Variants in TDRD5 observed in about 807,000 individuals in gnomAD.
TDRD5 encodes the protein tudor domain containing 5.
TDRD5 carries 41 observed loss-of-function variants against 120.6 expected under a neutral mutation model. That is an observed-to-expected ratio of 0.34 (90% CI 0.26 to 0.44). The LOEUF is 0.44. Among genes scored for constraint, TDRD5 ranks in the 20% least tolerant of loss-of-function variants. The probability of loss-of-function intolerance (pLI) is 1.00; values close to 1 mark genes in which losing one functional copy is unlikely to be tolerated. For synonymous variants in TDRD5, 430 were observed against 433.7 expected (o/e 0.99, Z 0.11); for missense variants, 1,006 against 1,221.2 (o/e 0.82, Z 2.63).
At chr1:179,602,470 G>A (rs1300066693) in intron 4 of TDRD5, among the ~76,000 whole-genome samples, 2 of 152,102 alleles carry the variant, frequency 1.3e-5, no homozygotes, top group African/African-American at 4.8e-5. Flanking sequence ...GTCTAGAAGG[G>A]TTTTTCCAAT....
intron 16 of TDRD5, among the ~76,000 whole-genome samples, chr1:179,666,409 T>C (rs555978638): frequency 6.6e-6 from 1 of 152,378 alleles, no homozygotes; most frequent in Admixed American, 6.5e-5. Context: ...TGATTATCCT[T>C]CAAGTCACCA....
At chr1:179,669,068 GAGT>G (rs1679718832) in intron 16 of TDRD5, 123 bp from the exon 17 acceptor site, 1 of 939,070 alleles carries the variant, frequency 1.1e-6, no homozygotes, top group Non-Finnish European at 1.5e-6. Context: ...TCTTGAAAGT[GAGT>G]AGTTTTATTT....
chr1:179,690,032 C>T (rs989784457), intron 17 of TDRD5, among the ~76,000 whole-genome samples: 2 of 152,192 alleles, frequency 1.3e-5, no homozygotes, highest in Non-Finnish European at 2.9e-5. Context: ...CCTGCTTCGG[C>T]TCATGCTCTG....
At chr1:179,690,086 A>AG (rs1222237482) in intron 17 of TDRD5, among the ~76,000 whole-genome samples, 2 of 152,178 alleles carry the variant, frequency 1.3e-5, no homozygotes, top group Non-Finnish European at 2.9e-5. Flanking sequence ...AACAAGCCCC[A>AG]GTGAGATGAA....
At chr1:179,673,695 C>G (rs894668189) in intron 17 of TDRD5, among the ~76,000 whole-genome samples, 1 of 152,074 alleles carries the variant, frequency 6.6e-6, no homozygotes, top group Admixed American at 6.5e-5. Context: ...CCAAAGGAGG[C>G]AAATCAGATA....
At chr1:179,624,866 G>A (rs141680477) in intron 6 of TDRD5, among the ~76,000 whole-genome samples, 27 of 152,096 alleles carry the variant, frequency 1.8e-4, no homozygotes, top group East Asian at 5.8e-4. Context: ...CGGGCTATTC[G>A]TAGATACTAA....
intron 4 of TDRD5, among the ~76,000 whole-genome samples, chr1:179,604,053 C>G (rs948576997): frequency 1.3e-5 from 2 of 152,018 alleles, no homozygotes; most frequent in Non-Finnish European, 2.9e-5. Context: ...TTCAATTTCA[C>G]TGTTTATTAT....
intron 11 of TDRD5, among the ~76,000 whole-genome samples, chr1:179,640,888 T>C (rs945891997): frequency 6.6e-6 from 1 of 152,204 alleles, no homozygotes; most frequent in African/African-American, 2.4e-5. Context: ...AGGAGCCTAA[T>C]GTGAAGACCC....
In TDRD5 at chr1:179,635,774, C is replaced by T. The variant is rs1211753256; in HGVS notation, c.1407C>T (p.Thr469=). The T allele has an allele frequency of 6.2e-7, 1 of 1,613,920 alleles. No homozygotes were observed. The highest frequency in any genetic ancestry group is 1.3e-5 in the African/African-American group (1 of 74,908). The part of the protein sequence containing the change: ...KKLCRLPPLD[T]SSLIGVFVEY... ...TATGCAGACTCCCACCATTAGACAC[C>T]AGTTCCCTCATAGGGGTCTTTGTGG... The change falls in exon 9 of 18, where the codon ACC becomes ACT. Residue 469 remains threonine, a synonymous_variant. Transcript: ENST00000444136.
intron 4 of TDRD5, among the ~76,000 whole-genome samples, chr1:179,615,450 A>G (rs1177720616): frequency 6.6e-6 from 1 of 152,114 alleles, no homozygotes; most frequent in Non-Finnish European, 1.5e-5. Flanking sequence ...TCTGAAGAGT[A>G]TATCTTTTTG....
At chr1:179,689,012 GT>G (rs1231269013) in intron 17 of TDRD5, among the ~76,000 whole-genome samples, 1 of 152,158 alleles carries the variant, frequency 6.6e-6, no homozygotes, top group Non-Finnish European at 1.5e-5. Flanking sequence ...GCTCAGAGAA[GT>G]TTGTTATTAC....
chr1:179,641,483 T>G (rs1678045517), intron 11 of TDRD5, among the ~76,000 whole-genome samples: 1 of 151,580 alleles, frequency 6.6e-6, no homozygotes, highest in Non-Finnish European at 1.5e-5. Context: ...TGAGCTGAGA[T>G]TGCGCCGCTG....
intron 13 of TDRD5, among the ~76,000 whole-genome samples, chr1:179,652,937 G>A (rs990591627): frequency 6.6e-6 from 1 of 152,154 alleles, no homozygotes; most frequent in Non-Finnish European, 1.5e-5. Flanking sequence ...ATGTATATAT[G>A]CAACATAAAT....
intron 7 of TDRD5, 54 bp from the exon 8 acceptor site, chr1:179,634,403 C>A: frequency 1.3e-6 from 2 of 1,546,784 alleles, no homozygotes; most frequent in Non-Finnish European, 1.7e-6. Flanking sequence ...GCATAGGCTG[C>A]TCTATTGGCC....
chr1:179,678,276 C>T lies in TDRD5; in HGVS notation c.2860+8872C>T, dbSNP rs555209885. On this transcript the variant is annotated intron_variant, in intron 17 of 17. Transcript: ENST00000444136. The stretch of plus-strand genomic sequence containing the variant: ...CCCACCGTGGCTCCCTCAACAGCAC[C>T]GAGTCTATTTCTAGGCAGCTGGTGA... Among the ~76,000 whole-genome samples the T allele has an allele frequency of 7.2e-5, 11 of 152,284 alleles. No individual in the cohort carries two copies. In the East Asian group the frequency reaches 7.7e-4, roughly 11 times the overall value.
chr1:179,605,275 G>A (rs986131952), intron 4 of TDRD5, among the ~76,000 whole-genome samples: 4 of 152,068 alleles, frequency 2.6e-5, no homozygotes, highest in Non-Finnish European at 5.9e-5. Flanking sequence ...TATGTGTTAG[G>A]TGAGTCTCCT....
At chr1:179,670,403 A>G (rs1443761583) in intron 17 of TDRD5, among the ~76,000 whole-genome samples, 5 of 152,218 alleles carry the variant, frequency 3.3e-5, no homozygotes, top group East Asian at 1.9e-4. Flanking sequence ...AAAAAAAAAA[A>G]AAAATTATAT....
chr1:179,634,582 CAGA>C lies in TDRD5; in HGVS notation c.1256_1258del (p.Lys419del). On this transcript the variant is annotated inframe_deletion, in exon 8 of 18. Transcript: ENST00000444136. ...TTCAAAAAAACAAAAAGAGCCACAACAGAAGATTTGCAAGAAGCCTAATCTGGT... is the reference window on the plus strand; with the variant it reads ...TTCAAAAAAACAAAAAGAGCCACAACAGATTTGCAAGAAGCCTAATCTGGT... 2 of 1,613,938 alleles carry C rather than the reference CAGA, an allele frequency of 1.2e-6. No homozygotes were observed. Among genetic ancestry groups the C allele is most frequent in the Non-Finnish European group, 1.7e-6 (2 of 1,179,976 alleles).
intron 17 of TDRD5, among the ~76,000 whole-genome samples, chr1:179,689,924 G>T (rs1163877617): frequency 6.6e-6 from 1 of 152,192 alleles, no homozygotes; most frequent in Non-Finnish European, 1.5e-5. Context: ...TAGGGTAGGA[G>T]TGACCCGATT....
Sources: gnomAD v4.1 joint callset for allele counts (sites outside exome capture counted in the v4.1 genomes callset) on GRCh38, gnomAD v4.1.1 for gene constraint, MANE v1.5 for transcripts, NCBI Gene and HGNC (gene_info 2026-07-23, HGNC 2026-07-21) for gene names.